Variants in ARFGEF2 observed in about 807,000 individuals in gnomAD.
ARFGEF2 encodes brefeldin A-inhibited guanine nucleotide-exchange protein 2.
ARFGEF2 carries 74 observed loss-of-function variants against 219.9 expected under a neutral mutation model. The observed-to-expected ratio is 0.34, with a 90% CI of 0.28 to 0.41. The LOEUF is 0.41. ARFGEF2 is among the 10% of genes least tolerant of loss of function. ARFGEF2 has a pLI of 1.00. For synonymous variants in ARFGEF2, 733 were observed against 799.2 expected, an observed-to-expected ratio of 0.92 and a Z score of 1.40; for missense variants, 1,743 against 2,218.3, an observed-to-expected ratio of 0.79 and a Z score of 4.30.
chr20:49,000,107 A>C (rs192082522), intron 25 of ARFGEF2, among the ~76,000 whole-genome samples: 4 of 152,324 alleles, frequency 2.6e-5, no homozygotes, highest in Non-Finnish European at 4.4e-5. Context: ...ACTAGGGAAG[A>C]GATGGGCACC....
chr20:48,950,803 AAAAAAAAAATATATATATATATATAT>A (rs890744583), intron 3 of ARFGEF2, among the ~76,000 whole-genome samples: 1 of 39,672 alleles, frequency 2.5e-5, no homozygotes, highest in African/African-American at 1.3e-4. Context: ...CTAAAAAAAA[AAAAAAAAAATATATATATATATATAT>A]ATATATATAT....
chr20:48,986,517 G>A (rs530145635), intron 16 of ARFGEF2, among the ~76,000 whole-genome samples: 2 of 152,092 alleles, frequency 1.3e-5, no homozygotes, highest in Admixed American at 1.3e-4. Context: ...CAGAGGCTGA[G>A]GCAGGAGAAT....
At chr20:49,026,678 C>T (rs781299126) in intron 36 of ARFGEF2, among the ~76,000 whole-genome samples, 1 of 151,504 alleles carries the variant, frequency 6.6e-6, no homozygotes, top group Non-Finnish European at 1.5e-5. Flanking sequence ...CTCTACCTCC[C>T]GGGTTCAAGC....
chr20:48,996,558 G>A (rs1029016542), intron 23 of ARFGEF2, among the ~76,000 whole-genome samples: 8 of 151,640 alleles, frequency 5.3e-5, no homozygotes. Context: ...CCAACATGGT[G>A]AAACCATGTC....
At chr20:49,019,625 C>A (rs1313941392) in intron 34 of ARFGEF2, among the ~76,000 whole-genome samples, 1 of 152,122 alleles carries the variant, frequency 6.6e-6, no homozygotes, top group Non-Finnish European at 1.5e-5. Context: ...AGTGAATTTG[C>A]CATTTTTAAA....
intron 1 of ARFGEF2, among the ~76,000 whole-genome samples, chr20:48,935,680 G>T (rs2090944296): frequency 6.6e-6 from 1 of 151,566 alleles, no homozygotes; most frequent in South Asian, 2.1e-4. Flanking sequence ...CCGGGCAGAG[G>T]CGCCCCTCAC....
At chr20:48,931,289 C>G (rs2090911732) in intron 1 of ARFGEF2, among the ~76,000 whole-genome samples, 1 of 151,922 alleles carries the variant, frequency 6.6e-6, no homozygotes, top group African/African-American at 2.4e-5. Flanking sequence ...GGAGCCAGTT[C>G]AAGGAGAGGT....
chr20:48,984,897 TTA>T, intron 15 of ARFGEF2, 57 bp downstream of exon 15: 1 of 1,611,434 alleles, frequency 6.2e-7, no homozygotes, highest in Non-Finnish European at 8.5e-7. Flanking sequence ...TTGTGAGCCC[TTA>T]CCAGTTTTAA....
chr20:48,955,014 C>G (rs6019553), intron 6 of ARFGEF2, among the ~76,000 whole-genome samples: 105,516 of 152,070 alleles, frequency 0.69, 37,992 homozygotes, highest in African/African-American at 0.91. Flanking sequence ...GTCTCTCTGA[C>G]CTGCATAAAA....
At chr20:48,980,832 T>G (rs1188377081) in intron 14 of ARFGEF2, among the ~76,000 whole-genome samples, 2 of 152,200 alleles carry the variant, frequency 1.3e-5, no homozygotes, top group African/African-American at 4.8e-5. Flanking sequence ...TTCCATTTGC[T>G]TGGTAGATCT....
At chr20:49,007,857 G>T (rs2091472552) in intron 26 of ARFGEF2, among the ~76,000 whole-genome samples, 1 of 152,062 alleles carries the variant, frequency 6.6e-6, no homozygotes, top group African/African-American at 2.4e-5. Context: ...TGAGGAGACT[G>T]AGTCCTCACA....
chr20:48,971,099 G>T (rs768719315), intron 9 of ARFGEF2, 21 bp from the exon 10 acceptor site: 13 of 1,608,716 alleles, frequency 8.1e-6, no homozygotes, highest in East Asian at 2.2e-5. Context: ...CACTGTTGTG[G>T]TTTTTCATTT....
intron 30 of ARFGEF2, 102 bp from the exon 31 acceptor site, chr20:49,016,178 T>A: frequency 8.2e-7 from 1 of 1,226,688 alleles, no homozygotes; most frequent in Non-Finnish European, 1.2e-6. Flanking sequence ...TTGATACATA[T>A]CACCAAATTG....
At chr20:49,025,604 T>C (rs773097784) in intron 36 of ARFGEF2, 123 bp downstream of exon 36, 258 of 1,094,346 alleles carry the variant, frequency 2.4e-4, no homozygotes, top group Non-Finnish European at 3.4e-4. Flanking sequence ...ATTTTCATGC[T>C]TGAGGGGGAG....
At chr20:48,985,705 C>G in intron 16 of ARFGEF2, 92 bp downstream of exon 16, 1 of 1,339,358 alleles carries the variant, frequency 7.5e-7, no homozygotes, top group Non-Finnish European at 1.0e-6. Context: ...CTTTGTATAT[C>G]TGTGCCAAGC....
intron 28 of ARFGEF2, 74 bp downstream of exon 28, chr20:49,012,158 CAA>C: frequency 1.9e-6 from 3 of 1,587,880 alleles, no homozygotes; most frequent in Non-Finnish European, 1.7e-6. Flanking sequence ...TTGCTCCTAA[CAA>C]AGAGCTTTCC....
At chr20:49,016,762 T>C (rs1295126601) in intron 31 of ARFGEF2, among the ~76,000 whole-genome samples, 1 of 152,194 alleles carries the variant, frequency 6.6e-6, no homozygotes, top group Non-Finnish European at 1.5e-5. Context: ...CAGACAATTA[T>C]TTTAGAGTTT....
rs2091069673 is a variant in ARFGEF2 at position 48,951,334 on chromosome 20, A to T, written c.288A>T (p.Ala96=). 1 of 1,614,046 alleles carries T rather than the reference A, an allele frequency of 6.2e-7. No individual in the cohort carries two copies. The highest frequency in any genetic ancestry group is 1.3e-5 in the African/African-American group (1 of 74,918). The change falls in exon 4 of 39, where the codon GCA becomes GCT. Residue 96 remains alanine (A), a synonymous_variant. Transcript: ENST00000371917. ...TSLDCLQKLI[A]YGHITGNAPD... ...CTTTCTCTCTTTAGAAACTCATCGC[A>T]TACGGGCACATCACTGGCAACGCCC... is the stretch of plus-strand genomic sequence containing the variant.
chr20:48,971,692 G>A (rs1052761597), intron 10 of ARFGEF2, among the ~76,000 whole-genome samples: 8 of 152,120 alleles, frequency 5.3e-5, no homozygotes, highest in Admixed American at 5.2e-4. Flanking sequence ...ATGAGGTCAG[G>A]AGATCGAGAC....
Sources: gnomAD v4.1 joint callset for allele counts (sites outside exome capture counted in the v4.1 genomes callset) on GRCh38, gnomAD v4.1.1 for gene constraint, MANE v1.5 for transcripts, NCBI Gene and HGNC (gene_info 2026-07-23, HGNC 2026-07-21) for gene names.